SRGAP1: variants seen among roughly 807,000 people sequenced by gnomAD.
SRGAP1 encodes the protein SLIT-ROBO Rho GTPase activating protein 1.
Under a neutral mutation model 121.9 loss-of-function variants are expected in SRGAP1, and 43 were observed. That is an observed-to-expected ratio of 0.35 (90% CI 0.28 to 0.46). The LOEUF (loss-of-function observed/expected upper bound fraction) is 0.46. Among genes scored for constraint, SRGAP1 ranks in the 20% least tolerant of loss-of-function variants. SRGAP1 has a pLI of 1.00. For missense variants in SRGAP1, 1,102 were observed against 1,350.9 expected (o/e 0.82, Z 2.89); for synonymous variants, 447 against 485.4 (o/e 0.92, Z 1.04).
At chr12:64,078,637 A>G (rs138211732) in intron 8 of SRGAP1, among the ~76,000 whole-genome samples, 14 of 152,342 alleles carry the variant, frequency 9.2e-5, no homozygotes, top group African/African-American at 2.6e-4. Context: ...TTTGACTTCA[A>G]TTGAAAATGT....
At chr12:63,976,162 A>G (rs1348970789) in intron 1 of SRGAP1, among the ~76,000 whole-genome samples, 1 of 152,160 alleles carries the variant, frequency 6.6e-6, no homozygotes, top group Non-Finnish European at 1.5e-5. Flanking sequence ...TATTTTTAGT[A>G]AGGACGCCAG....
intron 1 of SRGAP1, among the ~76,000 whole-genome samples, chr12:63,855,270 G>T (rs1001489781): frequency 6.6e-6 from 1 of 151,998 alleles, no homozygotes; most frequent in African/African-American, 2.4e-5. Context: ...ACATGTCCAC[G>T]GTTTTCAAAC....
At chr12:63,850,820 A>C (rs547766213) in intron 1 of SRGAP1, among the ~76,000 whole-genome samples, 2 of 152,284 alleles carry the variant, frequency 1.3e-5, no homozygotes, top group Non-Finnish European at 2.9e-5. Flanking sequence ...TTGTTTGTCT[A>C]ATTAGTCTAT....
chr12:64,020,125 G>C (rs2034506211), intron 4 of SRGAP1, among the ~76,000 whole-genome samples: 1 of 152,112 alleles, frequency 6.6e-6, no homozygotes, highest in Non-Finnish European at 1.5e-5. Flanking sequence ...AGCAATTGTT[G>C]ATTATTTCAA....
intron 1 of SRGAP1, among the ~76,000 whole-genome samples, chr12:63,927,749 G>A (rs1156992375): frequency 1.3e-5 from 2 of 152,004 alleles, no homozygotes; most frequent in African/African-American, 4.8e-5. Context: ...GTCCCCCAGA[G>A]CTATAAACGC....
Position 63,876,107 on chromosome 12 carries a change from A to G in SRGAP1, c.67+31224A>G, listed in dbSNP as rs1007235408. Among the ~76,000 whole-genome samples the G allele has an allele frequency of 2.4e-4, 36 of 152,336 alleles. 1 individual carries two copies. The highest frequency in any genetic ancestry group is 2.0e-3 in the Admixed American group (31 of 15,294). On this transcript the variant is annotated intron_variant, in intron 1 of 21. Coordinates refer to ENST00000355086, the MANE Select transcript of SRGAP1 (RefSeq NM_020762.4). ...TAAAAAGTTTGAAGACTTTTTTGTCAGAGATCTTAGTTTTCTAGAGTTAAA... is the reference window on the plus strand; with the variant it reads ...TAAAAAGTTTGAAGACTTTTTTGTCGGAGATCTTAGTTTTCTAGAGTTAAA...
At chr12:64,032,766 CTG>C in intron 4 of SRGAP1, 1 of 210,678 alleles carries the variant, frequency 4.7e-6, no homozygotes, top group East Asian at 9.1e-5. Context: ...TTTAGCCTGT[CTG>C]TGAATTTTCT....
intron 1 of SRGAP1, among the ~76,000 whole-genome samples, chr12:63,860,171 G>A (rs1442504279): frequency 6.6e-6 from 1 of 151,976 alleles, no homozygotes; most frequent in Non-Finnish European, 1.5e-5. Flanking sequence ...CACCACACCT[G>A]GCTAATTTTT....
Position 64,126,068 on chromosome 12 carries a change from G to C in SRGAP1, c.2316G>C (p.Leu772=), listed in dbSNP as rs760042701. The change falls in exon 19 of 22, where the codon CTG becomes CTC. Residue 772 remains leucine, a synonymous_variant. Coordinates refer to ENST00000355086, the MANE Select transcript of SRGAP1 (RefSeq NM_020762.4). The part of the protein sequence containing the change: ...LSFKKGASLL[L]YHRASEDWWE... ...TCAAGAAGGGTGCCTCCCTGCTGCT[G>C]TATCACCGTGCATCTGAGGACTGGT... 1.9e-6 allele frequency: 3 copies of C among 1,614,196 alleles called. No homozygotes were observed. Among genetic ancestry groups the C allele is most frequent in the Middle Eastern group, 1.6e-4 (1 of 6,062 alleles).
Position 63,870,871 on chromosome 12 carries a change from T to G in SRGAP1, c.67+25988T>G, listed in dbSNP as rs1899828901. On this transcript the variant is annotated intron_variant, in intron 1 of 21. Transcript: ENST00000355086. ...ATTAGGGATTATAGGAGTGAGCCAC[T>G]GCTCCCCGCCTTCCTAGCTTGATTT... 3.3e-5 allele frequency among the ~76,000 whole-genome samples: 5 copies of G among 152,192 alleles called. 1 individual carries two copies. In the South Asian group the frequency reaches 1.0e-3, roughly 32 times the overall value.
chr12:64,015,975 A>C (rs2034391225), intron 3 of SRGAP1, among the ~76,000 whole-genome samples: 3 of 152,238 alleles, frequency 2.0e-5, no homozygotes, highest in Admixed American at 2.0e-4. Context: ...AATAATATTC[A>C]AATACTTCTC....
intron 4 of SRGAP1, among the ~76,000 whole-genome samples, chr12:64,034,383 C>A (rs1211073717): frequency 1.3e-5 from 2 of 152,162 alleles, no homozygotes; most frequent in Non-Finnish European, 1.5e-5. Context: ...ATACAGCCTG[C>A]AGAACTGTGA....
intron 6 of SRGAP1, among the ~76,000 whole-genome samples, chr12:64,057,040 C>T (rs1037406179): frequency 6.6e-5 from 10 of 152,114 alleles, no homozygotes; most frequent in Admixed American, 5.9e-4. Flanking sequence ...GAGATTTTAG[C>T]CTGGGAAAAA....
At chr12:63,943,160 T>C (rs955078867) in intron 1 of SRGAP1, among the ~76,000 whole-genome samples, 1 of 152,210 alleles carries the variant, frequency 6.6e-6, no homozygotes, top group African/African-American at 2.4e-5. Context: ...GTATTAATGG[T>C]CATTCAAGGA....
intron 1 of SRGAP1, among the ~76,000 whole-genome samples, chr12:63,904,627 A>G (rs1342499519): frequency 6.6e-6 from 1 of 152,188 alleles, no homozygotes; most frequent in Non-Finnish European, 1.5e-5. Flanking sequence ...CAAAATCCAC[A>G]AGATATTAAC....
intron 3 of SRGAP1, among the ~76,000 whole-genome samples, chr12:63,992,756 T>C (rs562849590): frequency 6.6e-6 from 1 of 151,914 alleles, no homozygotes; most frequent in South Asian, 2.1e-4. Context: ...AAAACAGATA[T>C]GTCTTCTTGC....
chr12:63,905,929 A>G (rs2030182621), intron 1 of SRGAP1, among the ~76,000 whole-genome samples: 1 of 152,202 alleles, frequency 6.6e-6, no homozygotes, highest in African/African-American at 2.4e-5. Context: ...AAAAAACAGA[A>G]TAAGCAACTG....
intron 1 of SRGAP1, among the ~76,000 whole-genome samples, chr12:63,938,041 C>G (rs1232958592): frequency 6.6e-6 from 1 of 152,168 alleles, no homozygotes; most frequent in African/African-American, 2.4e-5. Flanking sequence ...TCTGTGTGGA[C>G]TAAGCCATGT....
chr12:63,964,089 C>A (rs2032717923), intron 1 of SRGAP1, among the ~76,000 whole-genome samples: 1 of 152,130 alleles, frequency 6.6e-6, no homozygotes, highest in Non-Finnish European at 1.5e-5. Flanking sequence ...TAGGAACCCG[C>A]CTTCAGCACC....
Sources: allele counts gnomAD v4.1 joint callset (sites outside exome capture counted in the v4.1 genomes callset), GRCh38; gene constraint gnomAD v4.1.1; transcripts MANE v1.5; gene names NCBI Gene and HGNC (gene_info 2026-07-23, HGNC 2026-07-21).